LDLRAD4: variants seen among roughly 807,000 people sequenced by gnomAD.
LDLRAD4 encodes the protein low density lipoprotein receptor class A domain containing 4.
In LDLRAD4, 5 loss-of-function variants were observed where a neutral mutation model predicts 17.0. The ratio of observed to expected loss-of-function variants is 0.29; its 90% CI spans 0.15 to 0.62. The LOEUF is 0.62. LDLRAD4 is among the 20% of genes least tolerant of loss of function. The pLI, the probability that LDLRAD4 is intolerant of heterozygous loss-of-function variation, is 0.84. For missense variants in LDLRAD4, 340 were observed against 424.7 expected, an observed-to-expected ratio of 0.80 and a Z score of 1.75; for synonymous variants, 168 against 171.8, an observed-to-expected ratio of 0.98 and a Z score of 0.17.
chr18:13,516,918 T>G (rs1436863573), intron 3 of LDLRAD4, among the ~76,000 whole-genome samples: 1 of 152,162 alleles, frequency 6.6e-6, no homozygotes, highest in African/African-American at 2.4e-5. Context: ...GGCACAATCC[T>G]AGATCACTGC....
chr18:13,650,276 G>T (rs1014872516), exon 6 of LDLRAD4: 2 of 403,238 alleles, frequency 5.0e-6, no homozygotes, highest in Non-Finnish European at 8.7e-6. Context: ...GCTGCTTCTC[G>T]AACTGGATGC....
At chr18:13,459,979 T>C (rs2146539093) in intron 3 of LDLRAD4, 1 of 154,130 alleles carries the variant, frequency 6.5e-6, no homozygotes, top group Admixed American at 6.5e-5. Context: ...TGTCACATGG[T>C]TAATGTTCCA....
Position 13,287,638 on chromosome 18 carries a change from G to A in LDLRAD4, c.-383+9450G>A, listed in dbSNP as rs146751947. Among the ~76,000 whole-genome samples the A allele has an allele frequency of 4.0e-3, 602 of 152,314 alleles. 2 individuals carry two copies. The highest frequency in any genetic ancestry group is 6.4e-3 in the Non-Finnish European group (438 of 68,020). On this transcript the variant is annotated intron_variant, in intron 1 of 5. Coordinates refer to ENST00000359446, the Ensembl canonical transcript of LDLRAD4. ...GCCCTCAGGTTATGGGGTGGGGCGG[G>A]AGGTGCCCAAATTCTTATTCCTACA... is the stretch of plus-strand genomic sequence containing the variant.
chr18:13,436,153 G>A (rs1400297786), intron 2 of LDLRAD4, among the ~76,000 whole-genome samples: 1 of 152,190 alleles, frequency 6.6e-6, no homozygotes, highest in East Asian at 1.9e-4. Context: ...GGCCTTGGAA[G>A]GAGCAGCAAA....
At chr18:13,559,086 C>T (rs2094514254) in intron 3 of LDLRAD4, among the ~76,000 whole-genome samples, 1 of 152,226 alleles carries the variant, frequency 6.6e-6, no homozygotes, top group Admixed American at 6.5e-5. Flanking sequence ...TAAAAGTAAG[C>T]AGGGAGTCTC....
chr18:13,530,322 A>C (rs960632499), intron 3 of LDLRAD4, among the ~76,000 whole-genome samples: 5 of 152,236 alleles, frequency 3.3e-5, no homozygotes, highest in Non-Finnish European at 7.3e-5. Context: ...TTGGATTCTA[A>C]AAGATGGCCT....
At chr18:13,292,558 T>G (rs1267078527) in intron 1 of LDLRAD4, among the ~76,000 whole-genome samples, 1 of 152,186 alleles carries the variant, frequency 6.6e-6, no homozygotes, top group African/African-American at 2.4e-5. Context: ...GGGGTGGGCT[T>G]TCTCAGGCCC....
Position 13,578,518 on chromosome 18 carries a change from G to A in LDLRAD4, c.182-42599G>A, listed in dbSNP as rs951454048. Among the ~76,000 whole-genome samples the A allele has an allele frequency of 2.0e-5, 3 of 152,230 alleles. No individual in the cohort carries two copies. In the East Asian group the frequency reaches 5.8e-4, roughly 29 times the overall value. On this transcript the variant is annotated intron_variant, in intron 3 of 5. Coordinates refer to ENST00000359446, the Ensembl canonical transcript of LDLRAD4. ...CAGTGTTTGCCAAGCATGGTGCTAGGTGCCAGAGAATAAGCTAGAGGACAG... is the reference window on the plus strand; with the variant it reads ...CAGTGTTTGCCAAGCATGGTGCTAGATGCCAGAGAATAAGCTAGAGGACAG...
intron 3 of LDLRAD4, among the ~76,000 whole-genome samples, chr18:13,458,938 A>C (rs1038876745): frequency 6.6e-6 from 1 of 152,242 alleles, no homozygotes; most frequent in African/African-American, 2.4e-5. Flanking sequence ...TCTGGGAAGG[A>C]ACACAGCTCT....
intron 1 of LDLRAD4, among the ~76,000 whole-genome samples, chr18:13,225,131 A>T (rs527627134): frequency 5.3e-5 from 8 of 152,304 alleles, no homozygotes; most frequent in East Asian, 3.9e-4. Flanking sequence ...CCACTGCGCC[A>T]GGCCAAGAGT....
At chr18:13,507,822 A>G (rs1359639612) in intron 3 of LDLRAD4, among the ~76,000 whole-genome samples, 1 of 152,166 alleles carries the variant, frequency 6.6e-6, no homozygotes, top group African/African-American at 2.4e-5. Context: ...TAGGACAAAT[A>G]ATAACCCTAC....
chr18:13,593,887 T>A (rs557280082), intron 3 of LDLRAD4, among the ~76,000 whole-genome samples: 2 of 152,286 alleles, frequency 1.3e-5, no homozygotes, highest in South Asian at 4.1e-4. Flanking sequence ...CTTGACCTCC[T>A]GGGCTCAAGC....
Position 13,552,403 on chromosome 18 carries a change from C to A in LDLRAD4, c.182-68714C>A, listed in dbSNP as rs544539780. Among the ~76,000 whole-genome samples the A allele has an allele frequency of 1.2e-4, 18 of 152,336 alleles. 1 individual carries two copies. The South Asian group carries it at 3.7e-3, about 32-fold the overall frequency. ...ACTTACGTTTTATGCCTCCCGATCT[C>A]CTCTGCCTTAGCTGGACCTGGAAGG... On this transcript the variant is annotated intron_variant, in intron 3 of 5. Coordinates refer to ENST00000359446, the Ensembl canonical transcript of LDLRAD4.
At chr18:13,591,416 ATGTG>A (rs372202447) in intron 3 of LDLRAD4, among the ~76,000 whole-genome samples, 1 of 138,478 alleles carries the variant, frequency 7.2e-6, no homozygotes, top group South Asian at 2.5e-4. Flanking sequence ...ATGTGTGTGT[ATGTG>A]TGTGTGTGTG....
At chr18:13,371,836 A>G (rs11875382) in intron 1 of LDLRAD4, among the ~76,000 whole-genome samples, 9,195 of 152,208 alleles carry the variant, frequency 0.06, 781 homozygotes, top group African/African-American at 0.19. Context: ...TGCTGAATTT[A>G]GCAACAAACA....
At chr18:13,561,122 C>G (rs1338428554) in intron 3 of LDLRAD4, among the ~76,000 whole-genome samples, 1 of 131,818 alleles carries the variant, frequency 7.6e-6, no homozygotes, top group Non-Finnish European at 1.6e-5. Context: ...CTTACTGTCT[C>G]AGGGAACATC....
rs774799537 is a variant in LDLRAD4, at chr18:13,440,231, T to A, written c.181+1847T>A. Among the ~76,000 whole-genome samples the A allele has an allele frequency of 3.3e-5, 5 of 152,226 alleles. No homozygotes were observed. The highest frequency in any genetic ancestry group is 7.4e-5 in the Non-Finnish European group (5 of 68,022). ...CTCCTCCTTTACTTCAGGGCCCTTT[T>A]GCCGAGGGCTTCCTTGTTTTCAACC... On this transcript the variant is annotated intron_variant, in intron 3 of 5. Coordinates refer to ENST00000359446, the Ensembl canonical transcript of LDLRAD4. This position sits in a 1 kb window ranked among gnomAD's most constrained non-coding sequence, Gnocchi z 4.4.
intron 1 of LDLRAD4, among the ~76,000 whole-genome samples, chr18:13,292,716 T>C (rs571189964): frequency 3.3e-5 from 5 of 152,286 alleles, no homozygotes; most frequent in African/African-American, 1.2e-4. Flanking sequence ...AGCAGCACAG[T>C]GTTTTCTGGT....
intron 3 of LDLRAD4, among the ~76,000 whole-genome samples, chr18:13,557,781 A>G (rs1315026790): frequency 6.6e-6 from 1 of 152,206 alleles, no homozygotes; most frequent in Non-Finnish European, 1.5e-5. Flanking sequence ...GTGGCATTGT[A>G]ATATATGTGT....
Sources: allele counts gnomAD v4.1 joint callset (sites outside exome capture counted in the v4.1 genomes callset), GRCh38; gene constraint gnomAD v4.1.1; non-coding constraint Gnocchi (gnomAD v3.1); transcripts MANE v1.5; gene names NCBI Gene and HGNC (gene_info 2026-07-23, HGNC 2026-07-21).